DNAI4: variants seen among roughly 807,000 people sequenced by gnomAD.
DNAI4 encodes the protein WD repeat domain 78.
DNAI4 carries 85 observed loss-of-function variants against 105.8 expected under a neutral mutation model. That is an observed-to-expected ratio of 0.80 (90% confidence interval 0.67 to 0.96). The LOEUF (loss-of-function observed/expected upper bound fraction) is 0.96. Ranked by LOEUF, DNAI4 falls within the 40% of genes least tolerant of loss-of-function variation. The pLI is 0.00. For missense variants in DNAI4, 1,014 were observed against 1,005.6 expected, an observed-to-expected ratio of 1.01 and a Z score of -0.11; for synonymous variants, 352 against 331.5, an observed-to-expected ratio of 1.06 and a Z score of -0.67.
Position 66,836,183 on chromosome 1 carries a change from AG to A in DNAI4, c.1582-407del, listed in dbSNP as rs1645989632. Reference sequence around the variant, plus strand: ...AAGAAAGAAAGAAAGAAAGAAAGAAAGAAAGAAAGAAAGAAAGAAAGAAAGA... The same window carrying A: ...AAGAAAGAAAGAAAGAAAGAAAGAAAAAAGAAAGAAAGAAAGAAAGAAAGA... On this transcript the variant is annotated intron_variant, in intron 10 of 16. Transcript: ENST00000371026. Among the ~76,000 whole-genome samples, 2 of 63,130 alleles carry A rather than the reference AG, an allele frequency of 3.2e-5. 1 individual carries two copies. Among genetic ancestry groups the A allele is most frequent in the Non-Finnish European group, 7.5e-5 (2 of 26,688 alleles). The allele number at this position is 63,130 out of a possible 152,430, so 41.4% of individuals were successfully genotyped here.
intron 6 of DNAI4, among the ~76,000 whole-genome samples, chr1:66,866,125 G>A (rs996527452): frequency 4.6e-5 from 7 of 151,938 alleles, no homozygotes; most frequent in African/African-American, 1.5e-4. Flanking sequence ...TGGCCAAAAC[G>A]GTGAAATCCC....
intron 1 of DNAI4, among the ~76,000 whole-genome samples, chr1:66,918,305 T>C (rs1324206013): frequency 6.6e-6 from 1 of 152,238 alleles, no homozygotes; most frequent in African/African-American, 2.4e-5. Context: ...TAGATTCTAG[T>C]CTTTCCTAAT....
At chr1:66,844,084 C>CAAAAAAA (rs55925419) in intron 8 of DNAI4, among the ~76,000 whole-genome samples, 4 of 66,356 alleles carry the variant, frequency 6.0e-5, no homozygotes, top group Non-Finnish European at 8.1e-5. Context: ...ACTGGAGATT[C>CAAAAAAA]AAAAAAAAAA....
intron 1 of DNAI4, among the ~76,000 whole-genome samples, chr1:66,913,912 A>G (rs12034718): frequency 0.9 from 135,307 of 151,030 alleles, 60,912 homozygotes; most frequent in African/African-American, 0.97. Flanking sequence ...AACCCGGAGC[A>G]GGCGGAGGTT....
In DNAI4 at chr1:66,840,632, G is replaced by T. The variant is rs930977596; in HGVS notation, c.1331C>A (p.Ala444Glu). 1.2e-6 allele frequency: 2 copies of T among 1,613,926 alleles called. No individual in the cohort carries two copies. The highest frequency in any genetic ancestry group is 1.7e-6 in the Non-Finnish European group (2 of 1,179,908). ...TTCTTCCTCTACCTCTTCATGTTTTGCACTTTCTAAAACATCTTCAGGCTC... is the reference window on the plus strand; with the variant it reads ...TTCTTCCTCTACCTCTTCATGTTTTTCACTTTCTAAAACATCTTCAGGCTC... The part of the protein sequence containing the change: ...PEEPEDVLES[A>E]KHEEVEEESK... The change falls in exon 9 of 17, where the codon GCA (alanine) becomes GAA (glutamate). Residue 444 changes from alanine (A) to glutamate (E), a missense_variant. Transcript: ENST00000371026.
chr1:66,862,315 A>C lies in DNAI4; in HGVS notation c.941-13T>G. On this transcript the variant is annotated splice_polypyrimidine_tract_variant and intron_variant, in intron 6 of 16. Coordinates refer to ENST00000371026, the MANE Select transcript of DNAI4 (RefSeq NM_024763.5). The stretch of plus-strand genomic sequence containing the variant: ...GTGGACATTATGCCTAGATAAAGAC[A>C]CAGAAAGGTAAAAATTGTTTTAAAC... 2 of 1,599,538 alleles carry C rather than the reference A, an allele frequency of 1.3e-6. No homozygotes were observed. Among genetic ancestry groups the C allele is most frequent in the Non-Finnish European group, 8.5e-7 (1 of 1,175,760 alleles).
chr1:66,837,789 A>G lies in DNAI4; in HGVS notation c.1502T>C (p.Leu501Ser), dbSNP rs1646061564. Reference sequence around the variant, plus strand: ...TCCAAAGTGCCCATAGCCAACAGCCAAAAGATCCTGAAAACCAGAAAAATA... The same window carrying G: ...TCCAAAGTGCCCATAGCCAACAGCCGAAAGATCCTGAAAACCAGAAAAATA... ...LAWNKTNPDL[L>S]AVGYGHFGFK... Residue 501 changes from leucine (L) to serine (S), a missense_variant, in exon 10 of 17, where the codon TTG becomes TCG. Leu to Ser is a moderately radical substitution (Grantham distance 145). Transcript: ENST00000371026. The G allele has an allele frequency of 1.3e-6, 2 of 1,599,606 alleles. No homozygotes were observed. Among genetic ancestry groups the G allele is most frequent in the East Asian group, 2.2e-5 (1 of 44,522 alleles).
intron 2 of DNAI4, among the ~76,000 whole-genome samples, chr1:66,901,795 TTTTTC>T (rs1252011462): frequency 1.3e-5 from 2 of 152,222 alleles, no homozygotes; most frequent in Non-Finnish European, 2.9e-5. Context: ...TTTCTTTCCT[TTTTTC>T]TTTTGAGAAA....
At position 66,893,287 on chromosome 1, in the gene DNAI4, A is replaced by T; in HGVS notation, c.472T>A (p.Ser158Thr). 1.9e-6 allele frequency: 3 copies of T among 1,610,688 alleles called. No homozygotes were observed. The East Asian group carries it at 6.7e-5, about 36-fold the overall frequency. ...QEGSLGSEFI[S>T]SYSLYQNTIN... ...GTATTCTGATAAAGGCTATAGGAAGATATAAATTCTGATCCAAGTGATCCT... is the reference window on the plus strand; with the variant it reads ...GTATTCTGATAAAGGCTATAGGAAGTTATAAATTCTGATCCAAGTGATCCT... Residue 158 changes from serine (S) to threonine (T), a missense_variant, in exon 3 of 17, where the codon TCT becomes ACT. Ser to Thr is a moderately conservative substitution (Grantham distance 58). Coordinates refer to ENST00000371026, the MANE Select transcript of DNAI4 (RefSeq NM_024763.5).
chr1:66,892,296 T>A (rs901614712), intron 3 of DNAI4, among the ~76,000 whole-genome samples: 9 of 152,148 alleles, frequency 5.9e-5, no homozygotes, highest in African/African-American at 1.7e-4. Context: ...GCATAATTGC[T>A]GTGTATTATA....
intron 4 of DNAI4, among the ~76,000 whole-genome samples, chr1:66,885,087 C>A (rs1647164860): frequency 1.3e-5 from 2 of 152,124 alleles, no homozygotes; most frequent in Non-Finnish European, 2.9e-5. Flanking sequence ...CTTGAGACTT[C>A]TTTGGCCCAT....
intron 4 of DNAI4, among the ~76,000 whole-genome samples, chr1:66,879,817 A>G (rs1647030370): frequency 1.3e-5 from 2 of 152,200 alleles, no homozygotes; most frequent in South Asian, 2.1e-4. Context: ...TGCCATCTGT[A>G]TATCTTTTTT....
intron 2 of DNAI4, among the ~76,000 whole-genome samples, chr1:66,897,079 T>C (rs1418877162): frequency 6.6e-6 from 1 of 152,148 alleles, no homozygotes; most frequent in Non-Finnish European, 1.5e-5. Flanking sequence ...ATTGCTTAAG[T>C]GGTTGTGAAC....
chr1:66,896,981 G>GA (rs1320004606), intron 2 of DNAI4, among the ~76,000 whole-genome samples: 1 of 152,190 alleles, frequency 6.6e-6, no homozygotes, highest in East Asian at 1.9e-4. Flanking sequence ...AAGCAGTCTA[G>GA]AAAAAGGCTG....
chr1:66,906,530 G>A (rs1019739560), intron 1 of DNAI4, among the ~76,000 whole-genome samples: 3 of 151,782 alleles, frequency 2.0e-5, no homozygotes, highest in Non-Finnish European at 4.4e-5. Context: ...AGCATTTATC[G>A]TTACTTGACA....
At chr1:66,891,645 G>A (rs1408119997) in intron 3 of DNAI4, among the ~76,000 whole-genome samples, 2 of 152,108 alleles carry the variant, frequency 1.3e-5, no homozygotes, top group Admixed American at 6.6e-5. Context: ...TGTATTTTTA[G>A]TAGAGACGTG....
intron 6 of DNAI4, among the ~76,000 whole-genome samples, chr1:66,862,721 T>G (rs1646653998): frequency 6.6e-6 from 1 of 152,204 alleles, no homozygotes; most frequent in East Asian, 1.9e-4. Context: ...ACAAACACTT[T>G]AATGCTTTAA....
intron 7 of DNAI4, among the ~76,000 whole-genome samples, chr1:66,852,122 T>G (rs1646410266): frequency 6.6e-6 from 1 of 151,918 alleles, no homozygotes. Context: ...CAACTCTACA[T>G]AACATAAATC....
chr1:66,916,882 T>C (rs1269528689), intron 1 of DNAI4, among the ~76,000 whole-genome samples: 1 of 133,912 alleles, frequency 7.5e-6, no homozygotes, highest in Non-Finnish European at 1.5e-5. Flanking sequence ...AGAATGAAGA[T>C]TTTTGCCTTT....
Sources: gnomAD v4.1 joint callset for allele counts (sites outside exome capture counted in the v4.1 genomes callset) on GRCh38, gnomAD v4.1.1 for gene constraint, MANE v1.5 for transcripts, NCBI Gene and HGNC (gene_info 2026-07-23, HGNC 2026-07-21) for gene names.